TULP3: variants seen among roughly 807,000 people sequenced by gnomAD.
TULP3 encodes TUB like protein 3, also known as tubby-related protein 3.
TULP3 carries 38 observed loss-of-function variants against 50.7 expected under a neutral mutation model. That is an observed-to-expected ratio of 0.75 (90% CI 0.58 to 0.98). The LOEUF is 0.98. TULP3 is among the 50% of genes least tolerant of loss of function. The pLI, the probability that TULP3 is intolerant of heterozygous loss-of-function variation, is 0.00. For missense variants in TULP3, 550 were observed against 568.0 expected (o/e 0.97, Z 0.32); for synonymous variants, 183 against 196.6 (o/e 0.93, Z 0.58).
chr12:2,914,992 C>CT (rs1189084819), intron 2 of TULP3, among the ~76,000 whole-genome samples: 2 of 151,048 alleles, frequency 1.3e-5, no homozygotes, highest in Non-Finnish European at 2.9e-5. Context: ...ATTTTCTTTT[C>CT]TTTTCTTTTT....
At chr12:2,927,123 T>A (rs1182110954) in intron 4 of TULP3, among the ~76,000 whole-genome samples, 2 of 152,136 alleles carry the variant, frequency 1.3e-5, no homozygotes, top group Non-Finnish European at 1.5e-5. Context: ...GATAGAATCA[T>A]ACACTATTTG....
chr12:2,938,862 C>T lies in TULP3; in HGVS notation c.1196-449C>T, dbSNP rs776752602. 1.1e-4 allele frequency among the ~76,000 whole-genome samples: 16 copies of T among 152,166 alleles called. 1 individual carries two copies. The highest frequency in any genetic ancestry group is 1.5e-4 in the Non-Finnish European group (10 of 68,042). Reference sequence around the variant, plus strand: ...AAATGACCCCAATAAAGGTTCCTGGCAGCTCTAGCCTGCGGAGTTTATGAC... The same window carrying T: ...AAATGACCCCAATAAAGGTTCCTGGTAGCTCTAGCCTGCGGAGTTTATGAC... On this transcript the variant is annotated intron_variant, in intron 10 of 10. Transcript: ENST00000448120.
At chr12:2,894,224 A>G (rs115243988) in intron 1 of TULP3, among the ~76,000 whole-genome samples, 1,707 of 147,070 alleles carry the variant, frequency 0.012, 36 homozygotes, top group African/African-American at 0.04. Context: ...TTAGAAATAT[A>G]AACAGTAGGC....
At chr12:2,910,090 A>G (rs1190784346) in intron 2 of TULP3, among the ~76,000 whole-genome samples, 1 of 152,202 alleles carries the variant, frequency 6.6e-6, no homozygotes, top group Non-Finnish European at 1.5e-5. Flanking sequence ...CAGGAGATCG[A>G]GACCATCCTG....
Position 2,892,082 on chromosome 12 carries a change from T to TAAA in TULP3, c.41+1102_41+1104dup, listed in dbSNP as rs58111941. ...GCAACGCAGTGACATCCTGTCACCT[T>TAAA]AAAAAAAAAATGATTTGACGTGTAA... On this transcript the variant is annotated intron_variant, in intron 1 of 10. Coordinates refer to ENST00000448120, the MANE Select transcript of TULP3 (RefSeq NM_003324.5). 6.1e-4 allele frequency among the ~76,000 whole-genome samples: 91 copies of TAAA among 149,536 alleles called. 1 individual carries two copies. Among genetic ancestry groups the TAAA allele is most frequent in the African/African-American group, 2.1e-3 (86 of 40,690 alleles).
chr12:2,893,327 G>GTTTTT (rs36190881), intron 1 of TULP3, among the ~76,000 whole-genome samples: 8,022 of 127,872 alleles, frequency 0.063, 664 homozygotes, highest in African/African-American at 0.18. Flanking sequence ...TGTTTAATGT[G>GTTTTT]TTTTTTTTTT....
chr12:2,919,313 CCAAA>C (rs1182275943), intron 2 of TULP3, among the ~76,000 whole-genome samples: 1 of 152,160 alleles, frequency 6.6e-6, no homozygotes, highest in South Asian at 2.1e-4. Context: ...AAAATAATCT[CCAAA>C]CAACTTAGTC....
chr12:2,897,852 G>T (rs1386434324), intron 1 of TULP3, among the ~76,000 whole-genome samples: 1 of 151,830 alleles, frequency 6.6e-6, no homozygotes, highest in African/African-American at 2.4e-5. Context: ...GGCAAGGCAG[G>T]CAGATCACCT....
At chr12:2,923,683 G>A (rs1256212558) in intron 4 of TULP3, among the ~76,000 whole-genome samples, 1 of 150,706 alleles carries the variant, frequency 6.6e-6, no homozygotes, top group East Asian at 2.0e-4. Flanking sequence ...AAGAAAGTAT[G>A]TTTTGAGTCC....
chr12:2,932,264 C>T (rs2098198501), intron 6 of TULP3, among the ~76,000 whole-genome samples: 1 of 151,874 alleles, frequency 6.6e-6, no homozygotes, highest in South Asian at 2.1e-4. Flanking sequence ...ATTCCTCTGT[C>T]TGTGTCCCCA....
At chr12:2,892,872 A>AT (rs1373364688) in intron 1 of TULP3, among the ~76,000 whole-genome samples, 1 of 118,012 alleles carries the variant, frequency 8.5e-6, no homozygotes, top group Non-Finnish European at 1.7e-5. Flanking sequence ...TTTTAATTTT[A>AT]ATTTTTTTTT....
chr12:2,920,753 T>C lies in TULP3; in HGVS notation c.94-10T>C. The C allele has an allele frequency of 6.2e-7, 1 of 1,613,662 alleles. No individual in the cohort carries two copies. The highest frequency in any genetic ancestry group is 8.5e-7 in the Non-Finnish European group (1 of 1,179,762). ...TCTCCTTGCTGGCTGTCATATCGCT[T>C]TTTTCCCAGAGGCTACTACTTGAGA... On this transcript the variant is annotated splice_polypyrimidine_tract_variant and intron_variant, in intron 2 of 10. Transcript: ENST00000448120.
Position 2,930,267 on chromosome 12 carries a change from C to A in TULP3, c.414C>A (p.Asn138Lys). The A allele has an allele frequency of 1.9e-6, 3 of 1,612,312 alleles. No individual in the cohort carries two copies. Among genetic ancestry groups the A allele is most frequent in the Non-Finnish European group, 2.5e-6 (3 of 1,179,074 alleles). ...TGCTAGATATCTCTGAAAGTGTGAA[C>A]TTCGATGAGGAGACTGATGGAATAT... is the stretch of plus-strand genomic sequence containing the variant. ...LQKHDISESV[N>K]FDEETDGISQ... is the part of the protein sequence containing the mutation. The change falls in exon 5 of 11, where the codon AAC (asparagine) becomes AAA (lysine). Residue 138 changes from asparagine to lysine, a missense_variant. Coordinates refer to ENST00000448120, the MANE Select transcript of TULP3 (RefSeq NM_003324.5).
chr12:2,908,361 C>T (rs982655218), intron 1 of TULP3, among the ~76,000 whole-genome samples: 24 of 152,000 alleles, frequency 1.6e-4, no homozygotes, highest in Admixed American at 3.3e-4. Flanking sequence ...CCAAGAATGC[C>T]GAGTCACAAA....
chr12:2,939,210 G>A lies in TULP3; in HGVS notation c.1196-101G>A, dbSNP rs550939542. Reference sequence around the variant, plus strand: ...CATTCCACTAGGCTCCAGCCAGGGCGACAGAGCAAAACCCCATCTAAGAAA... The same window carrying A: ...CATTCCACTAGGCTCCAGCCAGGGCAACAGAGCAAAACCCCATCTAAGAAA... On this transcript the variant is annotated intron_variant, in intron 10 of 10. Transcript: ENST00000448120. The surrounding 1 kb of genome is among the most constrained non-coding windows in gnomAD (Gnocchi z 4.0). The A allele has an allele frequency of 4.9e-4, 669 of 1,357,834 alleles. 14 individuals carry two copies. In the South Asian group the frequency reaches 7.5e-3, roughly 15 times the overall value. 84.1% of individuals were successfully genotyped at this position (1,357,834 alleles called of 1,614,324 possible).
chr12:2,936,139 A>G (rs2098201118), intron 8 of TULP3, among the ~76,000 whole-genome samples: 1 of 151,684 alleles, frequency 6.6e-6, no homozygotes, highest in Non-Finnish European at 1.5e-5. Flanking sequence ...GCGTGGTGGC[A>G]GGCACCTGTA....
chr12:2,927,585 C>T (rs1366931884), intron 4 of TULP3, among the ~76,000 whole-genome samples: 2 of 151,938 alleles, frequency 1.3e-5, no homozygotes, highest in African/African-American at 4.8e-5. Flanking sequence ...GAATTTCTGA[C>T]CTTGTGATCC....
chr12:2,895,085 TA>T (rs1441214476), intron 1 of TULP3, among the ~76,000 whole-genome samples: 1 of 152,206 alleles, frequency 6.6e-6, no homozygotes, highest in African/African-American at 2.4e-5. Context: ...TCATACATCT[TA>T]AATAGCCTTT....
intron 6 of TULP3, 84 bp downstream of exon 6, chr12:2,931,324 A>G: frequency 7.3e-7 from 1 of 1,369,952 alleles, no homozygotes; most frequent in Non-Finnish European, 1.0e-6. Context: ...TAGGGAACTA[A>G]CTCTGGTATT....
Sources: allele counts gnomAD v4.1 joint callset (sites outside exome capture counted in the v4.1 genomes callset), GRCh38; gene constraint gnomAD v4.1.1; non-coding constraint Gnocchi (gnomAD v3.1); transcripts MANE v1.5; gene names NCBI Gene and HGNC (gene_info 2026-07-23, HGNC 2026-07-21).